SCN9A: variants seen among roughly 807,000 people sequenced by gnomAD.
The protein encoded by SCN9A is sodium voltage-gated channel alpha subunit 9.
Under a neutral mutation model 187.0 loss-of-function variants are expected in SCN9A, and 131 were observed. The ratio of observed to expected loss-of-function variants is 0.70; its 90% CI spans 0.61 to 0.81. SCN9A has a LOEUF of 0.81. SCN9A is among the 30% of genes least tolerant of loss of function. The probability of loss-of-function intolerance (pLI) is 0.00; values close to 1 mark genes in which losing one functional copy is unlikely to be tolerated. For missense variants in SCN9A, 2,252 were observed against 2,396.6 expected, an observed-to-expected ratio of 0.94 and a Z score of 1.26; for synonymous variants, 809 against 808.6, an observed-to-expected ratio of 1.00 and a Z score of -0.01.
chr2:166,265,905 ATTTG>A (rs1371673720), intron 17 of SCN9A, among the ~76,000 whole-genome samples: 2 of 151,404 alleles, frequency 1.3e-5, no homozygotes, highest in Admixed American at 6.6e-5. Context: ...TTTTTGAATT[ATTTG>A]TTTTTTTTGT....
intron 24 of SCN9A, chr2:166,204,879 G>T (rs1693722725): frequency 6.6e-6 from 1 of 152,650 alleles, no homozygotes; most frequent in Non-Finnish European, 1.5e-5. Context: ...AAAGAATAGG[G>T]AGCCAAATCA....
chr2:166,322,892 C>G (rs948638517), intron 1 of SCN9A, among the ~76,000 whole-genome samples: 1 of 152,046 alleles, frequency 6.6e-6, no homozygotes, highest in Non-Finnish European at 1.5e-5. Flanking sequence ...TTTTCTGATT[C>G]TAAAAATGTT....
At position 166,298,841 on chromosome 2, in the gene SCN9A, A is replaced by C. The variant is rs77747868; in HGVS notation, c.902-4179T>G. 20 of 152,334 alleles carry C rather than the reference A, an allele frequency of 1.3e-4. No individual in the cohort carries two copies. In the East Asian group the frequency reaches 3.7e-3, roughly 28 times the overall value. The allele number at this position is 152,334 out of a possible 1,614,324, so 9.4% of individuals were successfully genotyped here. A position where few individuals can be genotyped will look rare whatever the true frequency, so the allele number is the denominator to read the frequency against. On this transcript the variant is annotated intron_variant, in intron 7 of 26. Coordinates refer to ENST00000642356, the MANE Select transcript of SCN9A (RefSeq NM_001365536.1). ...CAACCAAGTGAATGGTTATATTTTA[A>C]GTAAGTAATCTCCAACATCAAATTT...
At chr2:166,244,417 TC>T (rs1404242902) in intron 18 of SCN9A, among the ~76,000 whole-genome samples, 1 of 152,040 alleles carries the variant, frequency 6.6e-6, no homozygotes, top group Non-Finnish European at 1.5e-5. Flanking sequence ...TTCCTGCTTG[TC>T]TGTTGTTAAA....
chr2:166,351,768 A>AT (rs945050412), intron 1 of SCN9A, among the ~76,000 whole-genome samples: 22 of 152,050 alleles, frequency 1.4e-4, no homozygotes, highest in Admixed American at 9.2e-4. Context: ...TATAGAACAG[A>AT]TTTTTTTTCC....
intron 1 of SCN9A, among the ~76,000 whole-genome samples, chr2:166,345,890 A>G (rs561470191): frequency 6.6e-6 from 1 of 152,312 alleles, no homozygotes; most frequent in South Asian, 2.1e-4. Context: ...CTGTTTAAAC[A>G]TGGGCATTAC....
chr2:166,344,703 T>C (rs1177174162), intron 1 of SCN9A, among the ~76,000 whole-genome samples: 1 of 152,214 alleles, frequency 6.6e-6, no homozygotes, highest in African/African-American at 2.4e-5. Context: ...ATCCTTTTCA[T>C]GTCTCTTTTC....
intron 1 of SCN9A, among the ~76,000 whole-genome samples, chr2:166,354,075 A>G (rs1002098488): frequency 1.3e-4 from 20 of 152,120 alleles, no homozygotes; most frequent in African/African-American, 4.8e-4. Context: ...AAGATTTTTC[A>G]GTGTTCCAAG....
intron 1 of SCN9A, among the ~76,000 whole-genome samples, chr2:166,362,302 G>A (rs967586183): frequency 1.6e-4 from 25 of 151,992 alleles, no homozygotes; most frequent in African/African-American, 5.3e-4. Flanking sequence ...CTCTCTCTTG[G>A]AACTAAAGGC....
intron 1 of SCN9A, among the ~76,000 whole-genome samples, chr2:166,342,252 A>T (rs1224509049): frequency 6.6e-6 from 1 of 152,228 alleles, no homozygotes; most frequent in Non-Finnish European, 1.5e-5. Context: ...TAAAGTTTGT[A>T]CAAAAAACAC....
At chr2:166,350,138 A>G (rs1168133536) in intron 1 of SCN9A, among the ~76,000 whole-genome samples, 1 of 152,358 alleles carries the variant, frequency 6.6e-6, no homozygotes, top group Non-Finnish European at 1.5e-5. Context: ...TTACAAAATG[A>G]CTGCTTTCAA....
chr2:166,337,980 AG>A (rs1157056303), intron 1 of SCN9A, among the ~76,000 whole-genome samples: 2 of 152,164 alleles, frequency 1.3e-5, no homozygotes, highest in Non-Finnish European at 2.9e-5. Context: ...AAATGTACAC[AG>A]CAAGTTAAGG....
chr2:166,360,462 C>T (rs1238039061), intron 1 of SCN9A, among the ~76,000 whole-genome samples: 1 of 152,090 alleles, frequency 6.6e-6, no homozygotes, highest in East Asian at 1.9e-4. Context: ...AAAATTATCA[C>T]AGACTTATGG....
At chr2:166,209,618 A>AAAAC (rs71031230) in intron 24 of SCN9A, among the ~76,000 whole-genome samples, 133,845 of 151,830 alleles carry the variant, frequency 0.88, 59,119 homozygotes, top group East Asian at 0.94. Flanking sequence ...AACCAAGAAA[A>AAAAC]AAACAACCCC....
intron 1 of SCN9A, among the ~76,000 whole-genome samples, chr2:166,349,932 A>G (rs1479914765): frequency 6.6e-6 from 1 of 152,086 alleles, no homozygotes; most frequent in African/African-American, 2.4e-5. Flanking sequence ...AGATTGCGCC[A>G]TTGCACTCCA....
intron 17 of SCN9A, among the ~76,000 whole-genome samples, chr2:166,262,904 G>T (rs891406425): frequency 5.9e-5 from 9 of 151,920 alleles, no homozygotes; most frequent in Admixed American, 2.6e-4. Flanking sequence ...GCTGCTGTCT[G>T]TGGTTCTGTC....
chr2:166,325,319 T>G (rs1251073523), intron 1 of SCN9A, among the ~76,000 whole-genome samples: 1 of 152,088 alleles, frequency 6.6e-6, no homozygotes, highest in African/African-American at 2.4e-5. Flanking sequence ...AAAATACATA[T>G]TTTACACAGT....
intron 1 of SCN9A, among the ~76,000 whole-genome samples, chr2:166,317,043 TAC>T (rs1699126366): frequency 6.6e-6 from 1 of 152,026 alleles, no homozygotes; most frequent in Non-Finnish European, 1.5e-5. Flanking sequence ...ATCCAGGTTA[TAC>T]ACACAGATAG....
chr2:166,346,050 A>G (rs1006741301), intron 1 of SCN9A, among the ~76,000 whole-genome samples: 1 of 152,182 alleles, frequency 6.6e-6, no homozygotes, highest in Non-Finnish European at 1.5e-5. Context: ...AATATGAATA[A>G]GGAATGTCTC....
Sources: allele counts gnomAD v4.1 joint callset (sites outside exome capture counted in the v4.1 genomes callset), GRCh38; gene constraint gnomAD v4.1.1; transcripts MANE v1.5; gene names NCBI Gene and HGNC (gene_info 2026-07-23, HGNC 2026-07-21).